Variants in ATP8B4 observed in about 807,000 individuals in gnomAD.
ATP8B4 encodes the protein probable phospholipid-transporting ATPase IM.
In ATP8B4, 133 loss-of-function variants were observed where a neutral mutation model predicts 145.6. That is an observed-to-expected ratio of 0.91 (90% CI 0.79 to 1.05). The LOEUF is 1.05. Ranked by LOEUF, ATP8B4 falls within the 50% of genes least tolerant of loss-of-function variation. ATP8B4 has a pLI of 0.00. For missense variants in ATP8B4, 1,458 were observed against 1,425.2 expected, an observed-to-expected ratio of 1.02 and a Z score of -0.37; for synonymous variants, 507 against 492.9, an observed-to-expected ratio of 1.03 and a Z score of -0.38.
chr15:50,160,801 A>G (rs1258999939), intron 1 of ATP8B4, among the ~76,000 whole-genome samples: 2 of 151,976 alleles, frequency 1.3e-5, no homozygotes, highest in African/African-American at 4.8e-5. Flanking sequence ...GATATGGTTC[A>G]TTTTGAGAAT....
chr15:50,131,822 CAATT>C (rs1432716588), intron 1 of ATP8B4, among the ~76,000 whole-genome samples: 6 of 149,198 alleles, frequency 4.0e-5, no homozygotes, highest in African/African-American at 1.2e-4. Flanking sequence ...ATTTATATTT[CAATT>C]AATATTATCA....
intron 14 of ATP8B4, among the ~76,000 whole-genome samples, chr15:49,958,970 T>C (rs2043828249): frequency 6.6e-6 from 1 of 152,008 alleles, no homozygotes; most frequent in African/African-American, 2.4e-5. Context: ...CTTATTTATG[T>C]TTCTAAAGCA....
intron 3 of ATP8B4, among the ~76,000 whole-genome samples, chr15:50,050,605 G>A (rs1251770712): frequency 6.6e-6 from 1 of 151,274 alleles, no homozygotes; most frequent in Non-Finnish European, 1.5e-5. Flanking sequence ...TTCCAAAGCT[G>A]TAGACAAATA....
At chr15:49,935,581 T>G (rs1309577244) in intron 14 of ATP8B4, among the ~76,000 whole-genome samples, 1 of 152,096 alleles carries the variant, frequency 6.6e-6, no homozygotes, top group Non-Finnish European at 1.5e-5. Flanking sequence ...AATACTACAT[T>G]AAGGCATATC....
chr15:49,957,871 T>C (rs189360355), intron 14 of ATP8B4, among the ~76,000 whole-genome samples: 126 of 151,836 alleles, frequency 8.3e-4, no homozygotes, highest in African/African-American at 2.9e-3. Flanking sequence ...AGATAAATAA[T>C]TATATAGAAG....
intron 24 of ATP8B4, among the ~76,000 whole-genome samples, chr15:49,879,026 G>A (rs769419090): frequency 7.2e-5 from 11 of 152,162 alleles, no homozygotes; most frequent in Non-Finnish European, 1.2e-4. Context: ...TAATTAATAG[G>A]TGCTATATGA....
At chr15:49,904,884 TTTAG>T (rs1159177346) in intron 20 of ATP8B4, among the ~76,000 whole-genome samples, 2 of 152,368 alleles carry the variant, frequency 1.3e-5, no homozygotes, top group East Asian at 3.9e-4. Flanking sequence ...CACTTTATGA[TTTAG>T]TTAAAGAACA....
At position 49,882,412 on chromosome 15, in the gene ATP8B4, T is replaced by G. The variant is rs536445450; in HGVS notation, c.2698-2953A>C. 7.2e-5 allele frequency among the ~76,000 whole-genome samples: 11 copies of G among 152,330 alleles called. No individual in the cohort carries two copies. In the South Asian group the frequency reaches 2.3e-3, roughly 32 times the overall value. ...ATACATATGTTCACAAATGTCTATC[T>G]TCGTGCAGTGGGATACATATAAAAA... On this transcript the variant is annotated intron_variant, in intron 23 of 27. Coordinates refer to ENST00000284509, the MANE Select transcript of ATP8B4 (RefSeq NM_024837.4).
At chr15:50,079,372 A>G (rs1230720279) in intron 2 of ATP8B4, among the ~76,000 whole-genome samples, 1 of 152,208 alleles carries the variant, frequency 6.6e-6, no homozygotes, top group Non-Finnish European at 1.5e-5. Flanking sequence ...AGCTAATCCA[A>G]TGACCCACAC....
chr15:49,921,893 T>C (rs2040296967), intron 17 of ATP8B4, among the ~76,000 whole-genome samples: 2 of 152,212 alleles, frequency 1.3e-5, no homozygotes, highest in East Asian at 3.9e-4. Context: ...ATCTAGCTAC[T>C]GTCTTGTAAT....
At chr15:50,087,060 T>TATA (rs1291266344) in intron 2 of ATP8B4, among the ~76,000 whole-genome samples, 1 of 117,180 alleles carries the variant, frequency 8.5e-6, no homozygotes, top group East Asian at 2.5e-4. Flanking sequence ...ATTTATTATA[T>TATA]ATAATAAAAT....
intron 1 of ATP8B4, among the ~76,000 whole-genome samples, chr15:50,124,651 C>G (rs2057295685): frequency 6.6e-6 from 1 of 152,102 alleles, no homozygotes; most frequent in Non-Finnish European, 1.5e-5. Context: ...CTAAATGTCA[C>G]CTCTGGGAAC....
chr15:50,101,507 T>C (rs372709821), intron 2 of ATP8B4, among the ~76,000 whole-genome samples: 2 of 152,074 alleles, frequency 1.3e-5, no homozygotes, highest in African/African-American at 4.8e-5. Flanking sequence ...GGAAATTATA[T>C]AATGATAAAA....
chr15:50,156,113 TATATAAATATATTTATATATATATAA>T (rs1345713639), intron 1 of ATP8B4, among the ~76,000 whole-genome samples: 1,791 of 16,752 alleles, frequency 0.11, 208 homozygotes, highest in Non-Finnish European at 0.13. Flanking sequence ...TATAAATATA[TATATAAATATATTTATATATATATAA>T]ATATATATAT....
intron 1 of ATP8B4, among the ~76,000 whole-genome samples, chr15:50,137,234 A>C (rs2044135022): frequency 6.6e-6 from 1 of 152,198 alleles, no homozygotes; most frequent in African/African-American, 2.4e-5. Flanking sequence ...GAGCCAGCCA[A>C]TGGGTTACCC....
intron 20 of ATP8B4, among the ~76,000 whole-genome samples, chr15:49,916,450 T>C (rs899511700): frequency 2.0e-5 from 3 of 152,208 alleles, no homozygotes; most frequent in African/African-American, 7.2e-5. Flanking sequence ...TCCATCTTTA[T>C]ATGCTGTTTA....
In ATP8B4 at chr15:49,928,440, C is replaced by T. The variant is rs76367275; in HGVS notation, c.1642+2679G>A. 2.5e-4 allele frequency among the ~76,000 whole-genome samples: 38 copies of T among 152,072 alleles called. No individual in the cohort carries two copies. In the East Asian group the frequency reaches 7.4e-3, roughly 30 times the overall value. On this transcript the variant is annotated intron_variant, in intron 16 of 27. Transcript: ENST00000284509. Reference sequence around the variant, plus strand: ...CCAGGGATGGTGAGGTCTAGTTGAGCTCAAAGTTTTGGAAAGTAGAAGAAA... The same window carrying T: ...CCAGGGATGGTGAGGTCTAGTTGAGTTCAAAGTTTTGGAAAGTAGAAGAAA...
At chr15:49,921,210 T>C (rs1052005846) in intron 17 of ATP8B4, among the ~76,000 whole-genome samples, 1 of 152,208 alleles carries the variant, frequency 6.6e-6, no homozygotes, top group African/African-American at 2.4e-5. Flanking sequence ...TTTTATTTTT[T>C]GCTGTATTAA....
At position 50,081,294 on chromosome 15, in the gene ATP8B4, T is replaced by C. The variant is rs372989489; in HGVS notation, c.29-7109A>G. Among the ~76,000 whole-genome samples, 6 of 152,176 alleles carry C rather than the reference T, an allele frequency of 3.9e-5. No homozygotes were observed. In the South Asian group the frequency reaches 8.3e-4, roughly 21 times the overall value. ...GTTATAATCATTTAATGAGGAAATA[T>C]ATGGAAAATACATTGTAAACAGAAA... On this transcript the variant is annotated intron_variant, in intron 2 of 27. Coordinates refer to ENST00000284509, the MANE Select transcript of ATP8B4 (RefSeq NM_024837.4).
Sources: allele counts gnomAD v4.1 joint callset (sites outside exome capture counted in the v4.1 genomes callset), GRCh38; gene constraint gnomAD v4.1.1; transcripts MANE v1.5; gene names NCBI Gene and HGNC (gene_info 2026-07-23, HGNC 2026-07-21).